SERP2: variants seen among roughly 807,000 people sequenced by gnomAD.
SERP2 encodes stress-associated endoplasmic reticulum protein 2.
Under a neutral mutation model 9.1 loss-of-function variants are expected in SERP2, and 6 were observed. The ratio of observed to expected loss-of-function variants is 0.66; its 90% CI spans 0.36 to 1.30. SERP2 has a LOEUF of 1.30. Ranked by LOEUF, SERP2 falls within the 50% of genes most tolerant of loss-of-function variation. The pLI, the probability that SERP2 is intolerant of heterozygous loss-of-function variation, is 0.03. For missense variants in SERP2, 58 were observed against 81.9 expected (o/e 0.71, Z 1.13); for synonymous variants, 37 against 27.3 (o/e 1.35, Z -1.10).
At chr13:44,386,066 T>C (rs550807016) in intron 2 of SERP2, among the ~76,000 whole-genome samples, 1 of 152,328 alleles carries the variant, frequency 6.6e-6, no homozygotes, top group South Asian at 2.1e-4. Context: ...GTGGGAGCAG[T>C]GTAAGTGATA....
chr13:44,384,213 A>G (rs999002921), intron 2 of SERP2, among the ~76,000 whole-genome samples: 1 of 152,114 alleles, frequency 6.6e-6, no homozygotes, highest in Admixed American at 6.5e-5. Flanking sequence ...GGGAAACACA[A>G]TAGCTCCTTT....
At chr13:44,392,950 C>T (rs1352919389) in intron 2 of SERP2, among the ~76,000 whole-genome samples, 1 of 152,060 alleles carries the variant, frequency 6.6e-6, no homozygotes, top group Admixed American at 6.6e-5. Flanking sequence ...TGGATTGTTT[C>T]CTCTAAAACA....
In SERP2 at chr13:44,397,416, A is replaced by T; in HGVS notation, c.*104A>T. 1.2e-6 allele frequency: 1 copy of T among 868,072 alleles called. No homozygotes were observed. Among genetic ancestry groups the T allele is most frequent in the African/African-American group, 1.7e-5 (1 of 60,586 alleles). The allele number at this position is 868,072 out of a possible 1,614,324, so 53.8% of individuals were successfully genotyped here. On this transcript the variant is annotated 3_prime_UTR_variant, in exon 3 of 3. Transcript: ENST00000379179. ...AAACAAGCAGGCCACACGGAATAGA[A>T]AAAAACGCTCCCCCACTTGTTCCCT...
chr13:44,380,937 T>G (rs956280847), intron 2 of SERP2, among the ~76,000 whole-genome samples: 1 of 152,152 alleles, frequency 6.6e-6, no homozygotes, highest in African/African-American at 2.4e-5. Flanking sequence ...ATGGACTCGT[T>G]CTCCTCTAAG....
chr13:44,384,539 C>T (rs372449189), intron 2 of SERP2, among the ~76,000 whole-genome samples: 51 of 152,182 alleles, frequency 3.4e-4, no homozygotes, highest in African/African-American at 2.7e-4. Flanking sequence ...GTTTGCAGCA[C>T]GCACACCTGC....
chr13:44,381,450 G>A (rs1179561332), intron 2 of SERP2, among the ~76,000 whole-genome samples: 1 of 152,150 alleles, frequency 6.6e-6, no homozygotes, highest in East Asian at 1.9e-4. Context: ...GCTGAGGCAG[G>A]AGAATCACTT....
intron 2 of SERP2, among the ~76,000 whole-genome samples, chr13:44,380,239 G>A (rs1418346903): frequency 6.6e-6 from 1 of 152,188 alleles, no homozygotes; most frequent in South Asian, 2.1e-4. Flanking sequence ...CACAAATGCA[G>A]GGAAGATGAG....
rs904515765 is a variant in SERP2, at chr13:44,376,773, T to TA, written c.84+2675dup. ...CTGGGTGACAGAGCAAGACTCCGTC[T>TA]AAAAAAAAAAAGGAAACAGAGAAAT... On this transcript the variant is annotated intron_variant, in intron 1 of 2. Coordinates refer to ENST00000379179, the MANE Select transcript of SERP2 (RefSeq NM_001010897.3). Among the ~76,000 whole-genome samples, 275 of 142,892 alleles carry TA rather than the reference T, an allele frequency of 1.9e-3. 1 individual carries two copies. The highest frequency in any genetic ancestry group is 8.1e-4 in the East Asian group (4 of 4,950). 93.7% of individuals were successfully genotyped at this position (142,892 alleles called of 152,430 possible). A position where few individuals can be genotyped will look rare whatever the true frequency, so the allele number is the denominator to read the frequency against.
intron 2 of SERP2, chr13:44,395,709 T>C: frequency 2.6e-6 from 1 of 388,562 alleles, no homozygotes; most frequent in Non-Finnish European, 5.2e-6. Context: ...ACCAACACCT[T>C]CACCATATCT....
chr13:44,382,968 G>C (rs1872088823), intron 2 of SERP2, among the ~76,000 whole-genome samples: 1 of 152,224 alleles, frequency 6.6e-6, no homozygotes, highest in African/African-American at 2.4e-5. Flanking sequence ...CTCAGCAGAA[G>C]AGAAAGTTTC....
intron 2 of SERP2, among the ~76,000 whole-genome samples, chr13:44,391,547 C>T (rs138527993): frequency 3.1e-3 from 471 of 152,192 alleles, no homozygotes; most frequent in Middle Eastern, 6.8e-3. Flanking sequence ...TGAAACTGTA[C>T]AATTTCAGCC....
At chr13:44,394,908 T>A (rs1384156855) in intron 2 of SERP2, among the ~76,000 whole-genome samples, 1 of 152,218 alleles carries the variant, frequency 6.6e-6, no homozygotes, top group Admixed American at 6.5e-5. Flanking sequence ...TATGGTTTAA[T>A]CCCTGTGACA....
intron 1 of SERP2, among the ~76,000 whole-genome samples, chr13:44,376,128 A>G (rs1393418403): frequency 6.6e-6 from 1 of 152,252 alleles, no homozygotes; most frequent in Non-Finnish European, 1.5e-5. Context: ...CCAAGCCACA[A>G]TCAATGTTTG....
chr13:44,397,415 A>G lies in SERP2; in HGVS notation c.*103A>G, dbSNP rs1413035344. Reference sequence around the variant, plus strand: ...GAAACAAGCAGGCCACACGGAATAGAAAAAAACGCTCCCCCACTTGTTCCC... The same window carrying G: ...GAAACAAGCAGGCCACACGGAATAGGAAAAAACGCTCCCCCACTTGTTCCC... On this transcript the variant is annotated 3_prime_UTR_variant, in exon 3 of 3. Coordinates refer to ENST00000379179, the MANE Select transcript of SERP2 (RefSeq NM_001010897.3). The G allele has an allele frequency of 1.1e-6, 1 of 870,710 alleles. No individual in the cohort carries two copies. The highest frequency in any genetic ancestry group is 1.9e-6 in the Non-Finnish European group (1 of 527,512). 53.9% of individuals were successfully genotyped at this position (870,710 alleles called of 1,614,324 possible).
At chr13:44,378,216 A>G (rs764456105) in intron 1 of SERP2, among the ~76,000 whole-genome samples, 2 of 152,256 alleles carry the variant, frequency 1.3e-5, no homozygotes, top group Non-Finnish European at 2.9e-5. Flanking sequence ...CATAGATTTT[A>G]CAGTTTTAAT....
intron 2 of SERP2, chr13:44,390,232 C>T (rs1326884428): frequency 3.2e-6 from 1 of 311,258 alleles, no homozygotes; most frequent in South Asian, 2.5e-5. Context: ...CATCCTGGGT[C>T]TTGCTCCCAG....
At position 44,390,004 on chromosome 13, in the gene SERP2, T is replaced by C. The variant is rs571413970; in HGVS notation, c.158-7268T>C. Among the ~76,000 whole-genome samples the C allele has an allele frequency of 3.9e-5, 6 of 152,320 alleles. No individual in the cohort carries two copies. The East Asian group carries it at 5.8e-4, about 15-fold the overall frequency. On this transcript the variant is annotated intron_variant, in intron 2 of 2. Coordinates refer to ENST00000379179, the MANE Select transcript of SERP2 (RefSeq NM_001010897.3). ...TCCCATAGCTAAAAAGTGAGAGAGA[T>C]AGTCCCCTAACCTACTTCTTTCAGA...
intron 2 of SERP2, chr13:44,395,715 T>A (rs900465379): frequency 2.5e-6 from 1 of 406,666 alleles, no homozygotes; most frequent in African/African-American, 2.1e-5. Context: ...ACCTTCACCA[T>A]ATCTACAGAT....
At chr13:44,392,427 AT>A (rs980258403) in intron 2 of SERP2, among the ~76,000 whole-genome samples, 18 of 152,176 alleles carry the variant, frequency 1.2e-4, no homozygotes, top group Admixed American at 1.2e-3. Flanking sequence ...TATTGAAAGG[AT>A]AATTCTAGCT....
Sources: gnomAD v4.1 joint callset for allele counts (sites outside exome capture counted in the v4.1 genomes callset) on GRCh38, gnomAD v4.1.1 for gene constraint, MANE v1.5 for transcripts, NCBI Gene and HGNC (gene_info 2026-07-23, HGNC 2026-07-21) for gene names.